Variants in MOV10L1 observed in about 807,000 individuals in gnomAD.
The protein encoded by MOV10L1 is RNA helicase Mov10l1.
Under a neutral mutation model 143.8 loss-of-function variants are expected in MOV10L1, and 110 were observed. That is an observed-to-expected ratio of 0.76 (90% confidence interval 0.66 to 0.90). MOV10L1 has a LOEUF of 0.90. Ranked by LOEUF, MOV10L1 falls within the 40% of genes least tolerant of loss-of-function variation. The probability of loss-of-function intolerance (pLI) is 0.00; values close to 1 mark genes in which losing one functional copy is unlikely to be tolerated. For missense variants in MOV10L1, 1,406 were observed against 1,526.8 expected (o/e 0.92, Z 1.32); for synonymous variants, 593 against 581.1 (o/e 1.02, Z -0.29).
chr22:50,146,995 G>A lies in MOV10L1; in HGVS notation c.2627+1185G>A, dbSNP rs973425072. 1.5e-5 allele frequency: 23 copies of A among 1,483,924 alleles called. No individual in the cohort carries two copies. The African/African-American group carries it at 1.8e-4, about 12-fold the overall frequency. The allele number at this position is 1,483,924 out of a possible 1,614,324, so 91.9% of individuals were successfully genotyped here. ...CCGTGTGTGGCTACCGGATTGGACA[G>A]CACGGATCTGAACAAGACAGGGATT... On this transcript the variant is annotated intron_variant, in intron 19 of 26. Transcript: ENST00000262794.
At chr22:50,100,793 C>T (rs563330118) in intron 3 of MOV10L1, among the ~76,000 whole-genome samples, 2 of 152,372 alleles carry the variant, frequency 1.3e-5, no homozygotes, top group African/African-American at 4.8e-5. Context: ...GCGTGAGCCA[C>T]CACTCCCGGC....
rs1207997389 is a variant in MOV10L1, at chr22:50,092,110, G to T, written c.207G>T (p.Val69=). Residue 69 remains valine, a synonymous_variant, in exon 2 of 27, where the codon GTG becomes GTT. Transcript: ENST00000262794. ...YFSSDAVTSR[V]LLNVGQEVIA... is the part of the protein sequence containing the mutation. ...CCAGTGATGCTGTGACTAGCAGAGT[G>T]CTTCTGAATGTTGGACAGGAAGTGA... 1 of 1,614,204 alleles carries T rather than the reference G, an allele frequency of 6.2e-7. No homozygotes were observed.
Position 50,115,214 on chromosome 22 carries a change from A to C in MOV10L1, c.1227A>C (p.Gly409=), listed in dbSNP as rs200235755. Reference sequence around the variant, plus strand: ...CTGGGGGGCTTGTCCCTCCAGGGGGAAAAACCTTCATTGTGGTCATCTGTG... The same window carrying C: ...CTGGGGGGCTTGTCCCTCCAGGGGGCAAAACCTTCATTGTGGTCATCTGTG... ...PEPGGLVPPG[G]KTFIVVICDG... Residue 409 remains glycine, a synonymous_variant, in exon 8 of 27, where the codon GGA becomes GGC. Coordinates refer to ENST00000262794, the MANE Select transcript of MOV10L1 (RefSeq NM_018995.3). 7.1e-6 allele frequency: 11 copies of C among 1,542,218 alleles called. No individual in the cohort carries two copies. The East Asian group carries it at 2.8e-4, about 39-fold the overall frequency.
rs138506249 is a variant in MOV10L1 at position 50,161,374 on chromosome 22, C to T, written c.3561C>T (p.Gly1187=). The T allele has an allele frequency of 1.1e-5, 18 of 1,594,592 alleles. No homozygotes were observed. Among genetic ancestry groups the T allele is most frequent in the South Asian group, 2.3e-5 (2 of 88,048 alleles). The change falls in exon 27 of 27, where the codon GGC becomes GGT. Residue 1187 remains glycine, a synonymous_variant. Transcript: ENST00000262794. ...PPALQSLQNC[G]EGVADPSYPV... ...GCTTCTCCTCTGTCTACAGCTGTGG[C>T]GAGGGGGTGGCAGACCCCTCCTACC...
chr22:50,090,304 C>T (rs1261491197), intron 1 of MOV10L1, 119 bp downstream of exon 1: 1 of 1,458,144 alleles, frequency 6.9e-7, no homozygotes. Context: ...TGGGCCCGGC[C>T]TTTCCTCATC....
At chr22:50,136,927 A>G (rs2062836252) in intron 15 of MOV10L1, among the ~76,000 whole-genome samples, 1 of 152,190 alleles carries the variant, frequency 6.6e-6, no homozygotes, top group Non-Finnish European at 1.5e-5. Flanking sequence ...CACATGTAGA[A>G]TCCATGGGAG....
chr22:50,124,575 T>A (rs1247269296), intron 10 of MOV10L1, among the ~76,000 whole-genome samples: 1 of 152,240 alleles, frequency 6.6e-6, no homozygotes, highest in Non-Finnish European at 1.5e-5. Flanking sequence ...AGACGCACTT[T>A]CTGCCCTCCC....
At chr22:50,109,112 C>G (rs759222263) in intron 5 of MOV10L1, among the ~76,000 whole-genome samples, 3 of 152,138 alleles carry the variant, frequency 2.0e-5, no homozygotes, top group Non-Finnish European at 2.9e-5. Flanking sequence ...CCACTGCACT[C>G]AGGCCTGGGC....
At chr22:50,115,514 C>T (rs2062149192) in intron 8 of MOV10L1, among the ~76,000 whole-genome samples, 1 of 152,156 alleles carries the variant, frequency 6.6e-6, no homozygotes. Flanking sequence ...GATCGCACGA[C>T]TGCACTCCAG....
At chr22:50,150,946 C>G in intron 21 of MOV10L1, 47 bp downstream of exon 21, 1 of 1,610,142 alleles carries the variant, frequency 6.2e-7, no homozygotes, top group Non-Finnish European at 8.5e-7. Flanking sequence ...TAAGCAGACA[C>G]AGGCTCCAGG....
intron 18 of MOV10L1, among the ~76,000 whole-genome samples, chr22:50,145,302 A>G (rs1008686362): frequency 9.9e-5 from 15 of 152,150 alleles, no homozygotes; most frequent in Non-Finnish European, 1.9e-4. Flanking sequence ...TGCGCCTGTA[A>G]TCCCAGCTAC....
intron 4 of MOV10L1, 85 bp downstream of exon 4, chr22:50,108,333 A>C (rs539372633): frequency 8.2e-7 from 1 of 1,222,870 alleles, no homozygotes; most frequent in African/African-American, 1.5e-5. Flanking sequence ...CTTCTCCTGC[A>C]TGTGTTGGAA....
chr22:50,107,970 A>G (rs2061918003), intron 3 of MOV10L1, among the ~76,000 whole-genome samples, 166 bp from the exon 4 acceptor site: 1 of 152,232 alleles, frequency 6.6e-6, no homozygotes, highest in South Asian at 2.1e-4. Flanking sequence ...TAATAATAAT[A>G]CTTCAGGGTT....
In MOV10L1 at chr22:50,145,830, C is replaced by T. The variant is rs373165843; in HGVS notation, c.2627+20C>T. 161 of 1,612,652 alleles carry T rather than the reference C, an allele frequency of 1.0e-4. No homozygotes were observed. Among genetic ancestry groups the T allele is most frequent in the South Asian group, 4.3e-4 (39 of 91,042 alleles). ...AGTGAGGTGAGCCCCGGGCATGGAG[C>T]GCGGCATGGGGCCTCCCAGGGCAGA... On this transcript the variant is annotated intron_variant, in intron 19 of 26. Coordinates refer to ENST00000262794, the MANE Select transcript of MOV10L1 (RefSeq NM_018995.3).
At chr22:50,145,926 CAGGGCTGTGGGCGAGA>C in intron 19 of MOV10L1, 116 bp downstream of exon 19, 1 of 1,476,624 alleles carries the variant, frequency 6.8e-7, no homozygotes, top group Non-Finnish European at 9.2e-7. Context: ...GGGAGGGAGG[CAGGGCTGTGGGCGAGA>C]AAGGCTGGTT....
At chr22:50,137,890 CAT>C (rs948584411) in intron 15 of MOV10L1, among the ~76,000 whole-genome samples, 2 of 147,964 alleles carry the variant, frequency 1.4e-5, no homozygotes, top group South Asian at 2.1e-4. Context: ...TTTATATACA[CAT>C]ATTTTTATAT....
intron 1 of MOV10L1, 92 bp downstream of exon 1, chr22:50,090,277 G>C: frequency 6.9e-7 from 1 of 1,444,978 alleles, no homozygotes; most frequent in Non-Finnish European, 9.1e-7. Flanking sequence ...AGTGCAGTGC[G>C]GGCCGGCAGG....
intron 2 of MOV10L1, among the ~76,000 whole-genome samples, chr22:50,098,571 T>G (rs2062655990): frequency 6.6e-6 from 1 of 152,228 alleles, no homozygotes; most frequent in African/African-American, 2.4e-5. Context: ...GAAATCTGAT[T>G]TTTGTATGTT....
At chr22:50,128,355 C>A in intron 12 of MOV10L1, 61 bp from the exon 13 acceptor site, 3 of 938,392 alleles carry the variant, frequency 3.2e-6, no homozygotes, top group South Asian at 1.4e-5. Context: ...GATGATGTGT[C>A]GCTAGATAAA....
Sources: allele counts gnomAD v4.1 joint callset (sites outside exome capture counted in the v4.1 genomes callset), GRCh38; gene constraint gnomAD v4.1.1; transcripts MANE v1.5; gene names NCBI Gene and HGNC (gene_info 2026-07-23, HGNC 2026-07-21).